Variants in TUBB8B observed in about 807,000 individuals in gnomAD.
TUBB8B encodes the protein HSA18p11 beta-tubulin 4Q pseudogene.
TUBB8B carries 26 observed loss-of-function variants against 31.9 expected under a neutral mutation model. The ratio of observed to expected loss-of-function variants is 0.81; its 90% CI spans 0.60 to 1.13. The LOEUF (loss-of-function observed/expected upper bound fraction) is 1.13, where lower values mean the gene tolerates loss of function less well. Ranked by LOEUF, TUBB8B falls within the 50% of genes most tolerant of loss-of-function variation. The pLI is 0.00. For missense variants in TUBB8B, 467 were observed against 586.7 expected (o/e 0.80, Z 2.11); for synonymous variants, 173 against 231.0 (o/e 0.75, Z 2.28).
rs1326677783 is a variant in TUBB8B at position 47,793 on chromosome 18, A to AG, written c.931dup (p.Leu311ProfsTer18). 6.2e-7 allele frequency: 1 copy of AG among 1,611,594 alleles called. No individual in the cohort carries two copies. Among genetic ancestry groups the AG allele is most frequent in the African/African-American group, 1.3e-5 (1 of 74,846 alleles). ...ACCCCTGAAAATGGCAGCCACCGTTAGGTAGCAGCCGTGACGGGGGTCACA... is the reference window on the plus strand; with the variant it reads ...ACCCCTGAAAATGGCAGCCACCGTTAGGGTAGCAGCCGTGACGGGGGTCACA... On this transcript the variant is annotated frameshift_variant, in exon 4 of 4. Transcript: ENST00000308911. LOFTEE classifies it high-confidence loss of function.
chr18:73,367 A>C, the TUBB8B span: 1 of 165,316 alleles, frequency 6.0e-6, no homozygotes, highest in African/African-American at 2.4e-5. Flanking sequence ...CCCTGTCCTC[A>C]CAGCGGACGC....
Position 49,460 on chromosome 18 carries a change from C to G in TUBB8B, c.57+41G>C, listed in dbSNP as rs769966865. On this transcript the variant is annotated intron_variant, in intron 1 of 3. Coordinates refer to ENST00000308911, the MANE Select transcript of TUBB8B (RefSeq NM_001358689.2). ...ACTGCCAACATCTTCCCCAGCCACC[C>G]GGCAGGCCCGGGCTGGGCCCTCAGA... 3 of 945,152 alleles carry G rather than the reference C, an allele frequency of 3.2e-6. No individual in the cohort carries two copies. The East Asian group carries it at 8.0e-5, about 25-fold the overall frequency. 58.5% of individuals were successfully genotyped at this position (945,152 alleles called of 1,614,324 possible).
chr18:55,256 A>G, the TUBB8B span, among the ~76,000 whole-genome samples: 2 of 151,660 alleles, frequency 1.3e-5, no homozygotes, highest in African/African-American at 4.8e-5. Flanking sequence ...ACCTGACACC[A>G]TGCCCAGCTA....
At chr18:55,397 C>T in the TUBB8B span, among the ~76,000 whole-genome samples, 2 of 151,804 alleles carry the variant, frequency 1.3e-5, no homozygotes, top group Non-Finnish European at 1.5e-5. Flanking sequence ...CTGTGCCTGG[C>T]GAGACTGGGT....
At chr18:69,874 T>C in the TUBB8B span, among the ~76,000 whole-genome samples, 1 of 152,198 alleles carries the variant, frequency 6.6e-6, no homozygotes, top group Non-Finnish European at 1.5e-5. Flanking sequence ...AGAAGCTTAT[T>C]GGCCAGGCAC....
the TUBB8B span, among the ~76,000 whole-genome samples, chr18:57,976 G>A: frequency 1.3e-5 from 2 of 151,830 alleles, no homozygotes; most frequent in Non-Finnish European, 1.5e-5. Context: ...TGGAGCTGGA[G>A]CAGTGGCCAG....
upstream of TUBB8B, among the ~76,000 whole-genome samples, chr18:52,173 G>A (rs1653743755): frequency 6.6e-6 from 1 of 152,072 alleles, no homozygotes; most frequent in African/African-American, 2.4e-5. Context: ...AACTAGAAAA[G>A]TGGTAGCAGC....
the TUBB8B span, among the ~76,000 whole-genome samples, chr18:55,128 G>A: frequency 6.6e-6 from 1 of 151,750 alleles, no homozygotes; most frequent in Non-Finnish European, 1.5e-5. Context: ...TTGAGATGAA[G>A]TCTTGCTCTG....
the TUBB8B span, among the ~76,000 whole-genome samples, chr18:63,427 T>G: frequency 6.6e-6 from 1 of 151,648 alleles, no homozygotes; most frequent in African/African-American, 2.4e-5. Flanking sequence ...CTTCCCTTTC[T>G]TTCTCTGAAA....
chr18:61,379 T>C, the TUBB8B span, among the ~76,000 whole-genome samples: 5 of 151,632 alleles, frequency 3.3e-5, no homozygotes, highest in Non-Finnish European at 7.4e-5. Context: ...CACAGATTAT[T>C]GTCTTGCTTC....
At chr18:48,896 GCCCTGGCTAAGGAGCCGCAC>G (rs1011305203) in intron 3 of TUBB8B, 24 bp downstream of exon 3, 1 of 1,359,426 alleles carries the variant, frequency 7.4e-7, no homozygotes, top group African/African-American at 1.4e-5. Context: ...ATTTTGAGCT[GCCCTGGCTAAGGAGCCGCAC>G]CCCAGTCCTC....
upstream of TUBB8B, among the ~76,000 whole-genome samples, chr18:53,406 G>C (rs1211849850): frequency 6.6e-6 from 1 of 151,872 alleles, no homozygotes; most frequent in Non-Finnish European, 1.5e-5. Flanking sequence ...TAATATGCAA[G>C]TTGACACAGT....
chr18:54,396 T>C (rs12604088), upstream of TUBB8B, among the ~76,000 whole-genome samples: 13,742 of 151,432 alleles, frequency 0.091, 981 homozygotes, highest in East Asian at 0.41. Context: ...AATCCAATTA[T>C]ACTATTTTAG....
the TUBB8B span, among the ~76,000 whole-genome samples, chr18:66,353 G>T: frequency 6.6e-6 from 1 of 152,136 alleles, no homozygotes; most frequent in African/African-American, 2.4e-5. Flanking sequence ...GGAGTTTGAG[G>T]CCAGCTTGGG....
At chr18:54,104 T>C (rs1239061931), upstream of TUBB8B, among the ~76,000 whole-genome samples, 1 of 151,698 alleles carries the variant, frequency 6.6e-6, no homozygotes, top group Non-Finnish European at 1.5e-5. Context: ...AAACTAAAAA[T>C]TAATTTCTAA....
the TUBB8B span, among the ~76,000 whole-genome samples, chr18:66,710 A>AGTT: frequency 1.1e-4 from 16 of 151,882 alleles, no homozygotes; most frequent in Admixed American, 2.0e-4. Flanking sequence ...TGTGAGCCTG[A>AGTT]GTTGTTGTTG....
the TUBB8B span, among the ~76,000 whole-genome samples, chr18:58,707 G>A: frequency 6.6e-6 from 1 of 151,678 alleles, no homozygotes; most frequent in African/African-American, 2.4e-5. Flanking sequence ...TTACAAAGCT[G>A]ATTCCACATT....
the TUBB8B span, among the ~76,000 whole-genome samples, chr18:63,483 G>A: frequency 2.0e-5 from 3 of 151,020 alleles, no homozygotes; most frequent in African/African-American, 7.3e-5. Context: ...GCTGGAGTTG[G>A]GGTAATATAA....
the TUBB8B span, among the ~76,000 whole-genome samples, chr18:66,710 AGTT>A: frequency 0.017 from 2,570 of 151,980 alleles, 53 homozygotes; most frequent in South Asian, 0.12. Context: ...TGTGAGCCTG[AGTT>A]GTTGTTGTTG....
Sources: allele counts gnomAD v4.1 joint callset (sites outside exome capture counted in the v4.1 genomes callset), GRCh38; gene constraint gnomAD v4.1.1; transcripts MANE v1.5; gene names NCBI Gene and HGNC (gene_info 2026-07-23, HGNC 2026-07-21).